The following PDE10A variants were observed in gnomAD, a reference collection of about 807,000 sequenced individuals.
PDE10A encodes the protein cAMP and cAMP-inhibited cGMP 3',5'-cyclic phosphodiesterase 10A.
A neutral mutation model predicts 97.7 loss-of-function variants in PDE10A; 39 were observed. The observed-to-expected ratio is 0.40, with a 90% CI of 0.31 to 0.52. The LOEUF is 0.52. PDE10A is among the 20% of genes least tolerant of loss of function. The pLI is 0.56. For synonymous variants in PDE10A, 371 were observed against 376.8 expected (o/e 0.98, Z 0.18); for missense variants, 731 against 1,047.8 (o/e 0.70, Z 4.17).
chr6:165,397,702 C>CAAAAAA (rs71026686), intron 13 of PDE10A, among the ~76,000 whole-genome samples: 127 of 88,210 alleles, frequency 1.4e-3, no homozygotes, highest in African/African-American at 1.8e-3. Flanking sequence ...AACTCCATCT[C>CAAAAAA]AAAAAAAAAA....
intron 1 of PDE10A, among the ~76,000 whole-genome samples, chr6:165,987,257 G>A (rs1785252014): frequency 2.0e-5 from 3 of 152,178 alleles, no homozygotes; most frequent in Admixed American, 2.0e-4. Flanking sequence ...GCGGGCTGCA[G>A]TCTCTCTCCC....
chr6:165,826,395 G>A (rs183913958), intron 1 of PDE10A, among the ~76,000 whole-genome samples: 37 of 124,960 alleles, frequency 3.0e-4, no homozygotes, highest in Middle Eastern at 8.3e-3. Flanking sequence ...CATGTCCCTC[G>A]TGTCCCCATG....
intron 1 of PDE10A, among the ~76,000 whole-genome samples, chr6:165,848,369 C>T (rs1780481199): frequency 6.6e-6 from 1 of 152,054 alleles, no homozygotes; most frequent in African/African-American, 2.4e-5. Context: ...TCAGGAGTGC[C>T]TGTGCGTGCA....
chr6:165,979,863 C>A (rs186702686), intron 1 of PDE10A, among the ~76,000 whole-genome samples: 1 of 152,210 alleles, frequency 6.6e-6, no homozygotes, highest in South Asian at 2.1e-4. Context: ...ACAATTCTCA[C>A]AAATCTCCTC....
chr6:165,336,076 A>T, intron 21 of PDE10A, 47 bp downstream of exon 21: 1 of 1,337,404 alleles, frequency 7.5e-7, no homozygotes, highest in Non-Finnish European at 1.1e-6. Flanking sequence ...TACAGATCTC[A>T]GTGTTGTTGG....
At position 165,331,146 on chromosome 6, in the gene PDE10A, T is replaced by C. The variant is rs1179416038; in HGVS notation, c.*1879A>G. 1 of 152,304 alleles carries C rather than the reference T, an allele frequency of 6.6e-6. No homozygotes were observed. Among genetic ancestry groups the C allele is most frequent in the South Asian group, 2.1e-4 (1 of 4,830 alleles). 9.4% of individuals were successfully genotyped at this position (152,304 alleles called of 1,614,324 possible). On this transcript the variant is annotated 3_prime_UTR_variant, in exon 22 of 22. Coordinates refer to ENST00000539869, the MANE Select transcript of PDE10A (RefSeq NM_001385079.1). Reference sequence around the variant, plus strand: ...TGTATGTATCATATATACACATATGTATACGTTTACATACATGAGTGTGTA... The same window carrying C: ...TGTATGTATCATATATACACATATGCATACGTTTACATACATGAGTGTGTA...
chr6:165,623,777 A>ACT (rs60420641), intron 1 of PDE10A, among the ~76,000 whole-genome samples: 29,439 of 151,192 alleles, frequency 0.19, 4,309 homozygotes, highest in African/African-American at 0.42. Context: ...TTTTAGAAAC[A>ACT]CTCTCTTCCT....
intron 1 of PDE10A, among the ~76,000 whole-genome samples, chr6:165,921,035 C>A (rs1424200694): frequency 6.6e-6 from 1 of 152,190 alleles, no homozygotes; most frequent in Non-Finnish European, 1.5e-5. Context: ...GATGTGTACC[C>A]ATCCCCTGGA....
At chr6:165,855,295 C>T (rs890145706) in intron 1 of PDE10A, among the ~76,000 whole-genome samples, 3 of 45,252 alleles carry the variant, frequency 6.6e-5, no homozygotes, top group African/African-American at 1.0e-4. Flanking sequence ...ATAGGCGGCG[C>T]GGGAAGTGGC....
chr6:165,857,021 T>C (rs2128475897), intron 1 of PDE10A, among the ~76,000 whole-genome samples: 1 of 152,338 alleles, frequency 6.6e-6, no homozygotes, highest in Non-Finnish European at 1.5e-5. Context: ...TCTAAATTTA[T>C]CAAATTCATC....
intron 1 of PDE10A, among the ~76,000 whole-genome samples, chr6:165,632,507 T>C (rs1309417855): frequency 6.6e-6 from 1 of 152,212 alleles, no homozygotes; most frequent in East Asian, 1.9e-4. Flanking sequence ...TGAAATGCAC[T>C]GTTTTGAGCA....
chr6:165,348,686 T>C (rs1055833534), intron 18 of PDE10A, among the ~76,000 whole-genome samples: 8 of 152,182 alleles, frequency 5.3e-5, no homozygotes, highest in South Asian at 2.1e-4. Context: ...GATATAGTTG[T>C]CCCCCACCCA....
intron 1 of PDE10A, among the ~76,000 whole-genome samples, chr6:165,648,304 G>A (rs1435987040): frequency 3.3e-5 from 5 of 151,880 alleles, no homozygotes; most frequent in Admixed American, 2.0e-4. Flanking sequence ...GACCCACCAC[G>A]CCCGGCCTTA....
intron 5 of PDE10A, among the ~76,000 whole-genome samples, chr6:165,446,950 T>A (rs913367065): frequency 2.0e-5 from 3 of 152,100 alleles, no homozygotes; most frequent in Non-Finnish European, 4.4e-5. Flanking sequence ...TTTAAGTTAC[T>A]AAAGTAAAAG....
At chr6:165,873,625 G>A (rs185143765) in intron 1 of PDE10A, among the ~76,000 whole-genome samples, 3 of 152,080 alleles carry the variant, frequency 2.0e-5, no homozygotes, top group East Asian at 3.9e-4. Context: ...AACTTATTTG[G>A]GTTTAAGCTC....
In PDE10A at chr6:165,726,576, C is replaced by A. The variant is rs559996265; in HGVS notation, c.-614-183008G>T. On this transcript the variant is annotated intron_variant, in intron 1 of 19. Transcript: ENST00000366882. Reference sequence around the variant, plus strand: ...CCCGAGGAGAGCCACGATGCCCGCTCCCCCCGGTGGTCCACACCTCCTGAC... The same window carrying A: ...CCCGAGGAGAGCCACGATGCCCGCTACCCCCGGTGGTCCACACCTCCTGAC... Among the ~76,000 whole-genome samples, 1,254 of 150,316 alleles carry A rather than the reference C, an allele frequency of 8.3e-3. 6 individuals are homozygous for A. The highest frequency in any genetic ancestry group is 0.013 in the Non-Finnish European group (870 of 66,738).
At position 165,327,624 on chromosome 6, in the gene PDE10A, T is replaced by C. The variant is rs1190679497; in HGVS notation, c.*5401A>G. 6.6e-6 allele frequency: 1 copy of C among 152,228 alleles called. No individual in the cohort carries two copies. The highest frequency in any genetic ancestry group is 1.5e-5 in the Non-Finnish European group (1 of 68,030). 9.4% of individuals were successfully genotyped at this position (152,228 alleles called of 1,614,324 possible). ...TGAATACATGAAAAAATTACACACA[T>C]GTACAATATTTATAATTTATAAATG... On this transcript the variant is annotated 3_prime_UTR_variant, in exon 22 of 22. Coordinates refer to ENST00000539869, the MANE Select transcript of PDE10A (RefSeq NM_001385079.1).
chr6:165,957,036 C>T (rs1784154523), intron 1 of PDE10A, among the ~76,000 whole-genome samples: 1 of 152,156 alleles, frequency 6.6e-6, no homozygotes, highest in Non-Finnish European at 1.5e-5. Flanking sequence ...AGGGGAGGAG[C>T]ATTTGCAAAG....
intron 1 of PDE10A, among the ~76,000 whole-genome samples, chr6:165,593,338 C>T (rs976549749): frequency 3.3e-5 from 5 of 152,062 alleles, no homozygotes; most frequent in African/African-American, 7.2e-5. Context: ...GGAGAAATAC[C>T]TAATGTAGAT....
Sources: allele counts gnomAD v4.1 joint callset (sites outside exome capture counted in the v4.1 genomes callset), GRCh38; gene constraint gnomAD v4.1.1; transcripts MANE v1.5; gene names NCBI Gene and HGNC (gene_info 2026-07-23, HGNC 2026-07-21).